GRB14: variants seen among roughly 807,000 people sequenced by gnomAD.
GRB14 encodes growth factor receptor bound protein 14, also known as growth factor receptor-bound protein 14.
Under a neutral mutation model 69.1 loss-of-function variants are expected in GRB14, and 38 were observed. The observed-to-expected ratio is 0.55, with a 90% CI of 0.42 to 0.72. GRB14 has a LOEUF of 0.72. GRB14 is among the 30% of genes least tolerant of loss of function. The pLI, the probability that GRB14 is intolerant of heterozygous loss-of-function variation, is 0.00. For synonymous variants in GRB14, 247 were observed against 241.3 expected, an observed-to-expected ratio of 1.02 and a Z score of -0.22; for missense variants, 666 against 666.1, an observed-to-expected ratio of 1.00 and a Z score of 0.00.
intron 12 of GRB14, among the ~76,000 whole-genome samples, chr2:164,496,363 A>C (rs914110572): frequency 1.3e-5 from 2 of 152,194 alleles, no homozygotes; most frequent in African/African-American, 4.8e-5. Flanking sequence ...AATTTGAGAA[A>C]AATAAAATTC....
intron 2 of GRB14, chr2:164,568,399 C>A: frequency 7.8e-7 from 1 of 1,282,574 alleles, no homozygotes; most frequent in South Asian, 1.2e-5. Context: ...TTAGAATGAT[C>A]CTGTCTCGTA....
intron 2 of GRB14, among the ~76,000 whole-genome samples, chr2:164,609,701 C>CA (rs1307936667): frequency 6.6e-6 from 1 of 152,124 alleles, no homozygotes; most frequent in Non-Finnish European, 1.5e-5. Flanking sequence ...GCCATTTCAG[C>CA]AATCAATATT....
chr2:164,573,008 T>C (rs914560794), intron 2 of GRB14, among the ~76,000 whole-genome samples: 1 of 152,176 alleles, frequency 6.6e-6, no homozygotes, highest in Non-Finnish European at 1.5e-5. Flanking sequence ...CTCAAAGACA[T>C]AGATCAAAAT....
In GRB14 at chr2:164,619,950, T is replaced by C. The variant is rs186113764; in HGVS notation, c.192-131A>G. On this transcript the variant is annotated intron_variant, in intron 1 of 13. Transcript: ENST00000263915. ...CAAGGCTCATATTATATAAAGTATA[T>C]AGAAAAGGTCTGTGATGTACTTTCT... 1.1e-4 allele frequency: 76 copies of C among 708,910 alleles called. No individual in the cohort carries two copies. The East Asian group carries it at 2.0e-3, about 18-fold the overall frequency. The allele number at this position is 708,910 out of a possible 1,614,324, so 43.9% of individuals were successfully genotyped here. A position where few individuals can be genotyped will look rare whatever the true frequency, so the allele number is the denominator to read the frequency against.
chr2:164,543,476 C>A (rs1688289940), intron 3 of GRB14, among the ~76,000 whole-genome samples: 1 of 152,128 alleles, frequency 6.6e-6, no homozygotes, highest in African/African-American at 2.4e-5. Flanking sequence ...AACACAGGAA[C>A]AGAAAACCAA....
chr2:164,603,774 C>A (rs1025589153), intron 2 of GRB14, among the ~76,000 whole-genome samples: 2 of 151,314 alleles, frequency 1.3e-5, no homozygotes, highest in Admixed American at 1.3e-4. Context: ...TAAATTAAAA[C>A]AAAAATATTC....
chr2:164,493,456 A>G (rs1048197370), intron 13 of GRB14, among the ~76,000 whole-genome samples: 3 of 152,188 alleles, frequency 2.0e-5, no homozygotes, highest in Admixed American at 1.3e-4. Context: ...AATATTTTGA[A>G]TCAATGAAAG....
chr2:164,617,627 T>C (rs765591106), intron 2 of GRB14, among the ~76,000 whole-genome samples: 1 of 152,074 alleles, frequency 6.6e-6, no homozygotes. Flanking sequence ...AAACAAACCC[T>C]GCATCATCAA....
rs866426616 is a variant in GRB14 at position 164,580,115 on chromosome 2, G to A, written c.325-32299C>T. On this transcript the variant is annotated intron_variant, in intron 2 of 13. Transcript: ENST00000263915. Reference sequence around the variant, plus strand: ...TGATACATTTTTTTTTTTTTTTTGAGACAGAGTCTTGCTCTGTCGCCCAGG... The same window carrying A: ...TGATACATTTTTTTTTTTTTTTTGAAACAGAGTCTTGCTCTGTCGCCCAGG... Among the ~76,000 whole-genome samples the A allele has an allele frequency of 1.2e-3, 174 of 141,354 alleles. 1 individual carries two copies. In the Middle Eastern group the frequency reaches 0.05, roughly 41 times the overall value. The allele number at this position is 141,354 out of a possible 152,430, so 92.7% of individuals were successfully genotyped here.
intron 3 of GRB14, 92 bp downstream of exon 3, chr2:164,547,568 A>G (rs1688411724): frequency 9.5e-7 from 1 of 1,052,342 alleles, no homozygotes; most frequent in Non-Finnish European, 1.4e-6. Context: ...AATTATCTCA[A>G]AACACCAAAT....
intron 6 of GRB14, among the ~76,000 whole-genome samples, chr2:164,518,184 T>A (rs764882523): frequency 1.3e-5 from 2 of 152,110 alleles, no homozygotes; most frequent in Non-Finnish European, 2.9e-5. Flanking sequence ...CAGAACACAG[T>A]GTAATAAATT....
intron 3 of GRB14, 65 bp from the exon 4 acceptor site, chr2:164,527,200 T>C (rs1487743261): frequency 1.5e-5 from 4 of 259,728 alleles, no homozygotes; most frequent in African/African-American, 2.4e-5. Flanking sequence ...TATATATATA[T>C]ATATATATAT....
intron 2 of GRB14, among the ~76,000 whole-genome samples, chr2:164,613,595 G>A (rs1187942209): frequency 6.6e-6 from 1 of 152,236 alleles, no homozygotes; most frequent in Admixed American, 6.5e-5. Flanking sequence ...CAAAAATGAT[G>A]TGAATTTGCA....
At position 164,508,507 on chromosome 2, in the gene GRB14, G is replaced by C; in HGVS notation, c.971C>G (p.Ala324Gly). 6.2e-7 allele frequency: 1 copy of C among 1,613,992 alleles called. No homozygotes were observed. The highest frequency in any genetic ancestry group is 2.2e-5 in the East Asian group (1 of 44,866). The change falls in exon 8 of 14, where the codon GCA (alanine) becomes GGA (glycine). Residue 324 changes from alanine (A) to glycine (G), a missense_variant. Ala to Gly is a moderately conservative substitution (Grantham distance 60). Transcript: ENST00000263915. ...GGPRDLKMLC[A>G]EEEQSRTCWV... ...GCACGTCCTACTCTGCTCTTCTTCTGCACAGAGCATTTTCAGGTCTCGGGG... is the reference window on the plus strand; with the variant it reads ...GCACGTCCTACTCTGCTCTTCTTCTCCACAGAGCATTTTCAGGTCTCGGGG...
intron 2 of GRB14, among the ~76,000 whole-genome samples, chr2:164,554,925 G>GA (rs555172687): frequency 4.1e-5 from 6 of 147,276 alleles, no homozygotes; most frequent in African/African-American, 1.0e-4. Context: ...TAACTTTTCA[G>GA]AAAAAAAAAC....
At chr2:164,519,172 C>T (rs1279757063) in intron 6 of GRB14, among the ~76,000 whole-genome samples, 1 of 152,090 alleles carries the variant, frequency 6.6e-6, no homozygotes, top group Non-Finnish European at 1.5e-5. Flanking sequence ...GATAATCCAC[C>T]ATGATCAAGT....
At chr2:164,566,691 T>TA (rs1688983964) in intron 2 of GRB14, among the ~76,000 whole-genome samples, 1 of 152,222 alleles carries the variant, frequency 6.6e-6, no homozygotes, top group South Asian at 2.1e-4. Context: ...CCTTGAAAAT[T>TA]ACAGCATTCT....
chr2:164,564,514 ATCT>A (rs1688918030), intron 2 of GRB14, among the ~76,000 whole-genome samples: 1 of 152,208 alleles, frequency 6.6e-6, no homozygotes, highest in Non-Finnish European at 1.5e-5. Flanking sequence ...GGGGAATTAG[ATCT>A]TCTCATAAAT....
At chr2:164,542,346 G>T (rs1688262791) in intron 3 of GRB14, among the ~76,000 whole-genome samples, 1 of 152,126 alleles carries the variant, frequency 6.6e-6, no homozygotes, top group South Asian at 2.1e-4. Flanking sequence ...CCTTGAGGAA[G>T]AATTTATGAC....
Sources: gnomAD v4.1 joint callset for allele counts (sites outside exome capture counted in the v4.1 genomes callset) on GRCh38, gnomAD v4.1.1 for gene constraint, MANE v1.5 for transcripts, NCBI Gene and HGNC (gene_info 2026-07-23, HGNC 2026-07-21) for gene names.